The following MIS18A variants were observed in gnomAD, a reference collection of about 807,000 sequenced individuals.
MIS18A encodes protein Mis18-alpha.
In MIS18A, 14 loss-of-function variants were observed where a neutral mutation model predicts 25.0. The observed-to-expected ratio is 0.56, with a 90% CI of 0.37 to 0.88. The LOEUF (loss-of-function observed/expected upper bound fraction) is 0.88, where lower values mean the gene tolerates loss of function less well. Among genes scored for constraint, MIS18A ranks in the 40% least tolerant of loss-of-function variants. The pLI is 0.00. For synonymous variants in MIS18A, 134 were observed against 118.6 expected (o/e 1.13, Z -0.84); for missense variants, 292 against 290.8 (o/e 1.00, Z -0.03).
At chr21:32,189,091 T>C in the MIS18A span, among the ~76,000 whole-genome samples, 1 of 149,458 alleles carries the variant, frequency 6.7e-6, no homozygotes, top group Non-Finnish European at 1.5e-5. Flanking sequence ...AGCTTCCTCA[T>C]GGAAGAGGGG....
At chr21:32,252,679 G>A in the MIS18A span, among the ~76,000 whole-genome samples, 2 of 152,174 alleles carry the variant, frequency 1.3e-5, no homozygotes, top group Non-Finnish European at 2.9e-5. Flanking sequence ...CTACCACACT[G>A]AGTTCAAGTT....
the MIS18A span, among the ~76,000 whole-genome samples, chr21:32,221,740 A>G: frequency 6.7e-6 from 1 of 149,536 alleles, no homozygotes; most frequent in Non-Finnish European, 1.5e-5. Flanking sequence ...AAAAAAAAAA[A>G]AGATTAGCTA....
At chr21:32,235,227 AG>A in the MIS18A span, among the ~76,000 whole-genome samples, 2 of 152,228 alleles carry the variant, frequency 1.3e-5, no homozygotes, top group Admixed American at 6.5e-5. Context: ...AATTGTCTTC[AG>A]CGGAATTGGA....
chr21:32,221,876 G>A, the MIS18A span, among the ~76,000 whole-genome samples: 1 of 151,454 alleles, frequency 6.6e-6, no homozygotes, highest in South Asian at 2.1e-4. Flanking sequence ...TGGACAACAA[G>A]CAAGACTCCA....
chr21:32,203,613 CT>C, the MIS18A span, among the ~76,000 whole-genome samples: 6,284 of 85,300 alleles, frequency 0.074, 26 homozygotes, highest in Non-Finnish European at 0.089. Context: ...TTTTTAAATG[CT>C]TTTTTTTTTT....
downstream of MIS18A, among the ~76,000 whole-genome samples, chr21:32,266,776 G>A (rs985879189): frequency 1.3e-5 from 2 of 152,070 alleles, no homozygotes; most frequent in Non-Finnish European, 2.9e-5. Context: ...CTTCATTCTT[G>A]AAGTCAGTGA....
chr21:32,263,815 T>G (rs1450147658), downstream of MIS18A, among the ~76,000 whole-genome samples: 1 of 151,586 alleles, frequency 6.6e-6, no homozygotes, highest in African/African-American at 2.4e-5. Context: ...TTCTTTTTTT[T>G]TTTTTTTTTT....
At chr21:32,265,038 G>A (rs1449255277), downstream of MIS18A, among the ~76,000 whole-genome samples, 2 of 152,346 alleles carry the variant, frequency 1.3e-5, no homozygotes, top group South Asian at 4.1e-4. Flanking sequence ...TCTCCCTAAA[G>A]AACTAGGGAG....
At chr21:32,170,971 G>A in the MIS18A span, among the ~76,000 whole-genome samples, 2 of 152,058 alleles carry the variant, frequency 1.3e-5, no homozygotes, top group South Asian at 4.2e-4. Context: ...ACTAAGAATA[G>A]AAAGAAACTT....
At chr21:32,276,984 CAT>C (rs1281988510) in intron 1 of MIS18A, among the ~76,000 whole-genome samples, 1 of 151,922 alleles carries the variant, frequency 6.6e-6, no homozygotes, top group African/African-American at 2.4e-5. Flanking sequence ...TTTAAAAAAT[CAT>C]AGTTAGGCTG....
the MIS18A span, among the ~76,000 whole-genome samples, chr21:32,243,948 C>T: frequency 2.3e-4 from 35 of 151,666 alleles, no homozygotes; most frequent in African/African-American, 7.7e-4. Flanking sequence ...AGCGAGACCC[C>T]GACTCAAAAA....
the MIS18A span, among the ~76,000 whole-genome samples, chr21:32,193,744 T>C: frequency 6.6e-6 from 1 of 152,164 alleles, no homozygotes; most frequent in Non-Finnish European, 1.5e-5. Flanking sequence ...ACAGCAGATT[T>C]GTCATGCTTT....
the MIS18A span, among the ~76,000 whole-genome samples, chr21:32,166,099 G>T: frequency 6.6e-6 from 1 of 152,106 alleles, no homozygotes; most frequent in Non-Finnish European, 1.5e-5. Flanking sequence ...TGAGGGGCAG[G>T]GTGGACAACT....
At chr21:32,204,494 C>T in the MIS18A span, among the ~76,000 whole-genome samples, 6 of 149,874 alleles carry the variant, frequency 4.0e-5, no homozygotes, top group Non-Finnish European at 8.9e-5. Context: ...GAGATTCCAT[C>T]TCAGAAAAAA....
At chr21:32,217,003 G>A in the MIS18A span, among the ~76,000 whole-genome samples, 1 of 152,008 alleles carries the variant, frequency 6.6e-6, no homozygotes, top group African/African-American at 2.4e-5. Flanking sequence ...CCCTGGAGAG[G>A]GGTGAAGATC....
chr21:32,180,605 T>C, the MIS18A span, among the ~76,000 whole-genome samples: 2 of 152,348 alleles, frequency 1.3e-5, no homozygotes, highest in East Asian at 3.9e-4. Flanking sequence ...TGGTTGATCA[T>C]AGAGTGTGCA....
chr21:32,173,993 T>C, the MIS18A span, among the ~76,000 whole-genome samples: 1 of 130,156 alleles, frequency 7.7e-6, no homozygotes, highest in African/African-American at 3.0e-5. Context: ...TGAGACGGAG[T>C]CTCACTCTGT....
the MIS18A span, among the ~76,000 whole-genome samples, chr21:32,168,004 G>A: frequency 1.3e-5 from 2 of 152,148 alleles, no homozygotes; most frequent in African/African-American, 4.8e-5. Context: ...ATGTTTGGAG[G>A]TGGGGTCTTT....
chr21:32,224,475 A>G, the MIS18A span, among the ~76,000 whole-genome samples: 6 of 150,838 alleles, frequency 4.0e-5, no homozygotes, highest in Admixed American at 4.0e-4. Flanking sequence ...GCATTCTTAT[A>G]CACCAGCAAC....
Sources: allele counts gnomAD v4.1 joint callset (sites outside exome capture counted in the v4.1 genomes callset), GRCh38; gene constraint gnomAD v4.1.1; transcripts MANE v1.5; gene names NCBI Gene and HGNC (gene_info 2026-07-23, HGNC 2026-07-21).